The following DOCK2 variants were observed in gnomAD, a reference collection of about 807,000 sequenced individuals.
DOCK2 encodes the protein dedicator of cytokinesis protein 2.
A neutral mutation model predicts 248.9 loss-of-function variants in DOCK2; 87 were observed. That is an observed-to-expected ratio of 0.35 (90% CI 0.29 to 0.42). The LOEUF is 0.42. Among genes scored for constraint, DOCK2 ranks in the 10% least tolerant of loss-of-function variants. The pLI, the probability that DOCK2 is intolerant of heterozygous loss-of-function variation, is 1.00. For missense variants in DOCK2, 1,747 were observed against 2,300.2 expected (o/e 0.76, Z 4.92); for synonymous variants, 805 against 821.6 (o/e 0.98, Z 0.35).
intron 27 of DOCK2, among the ~76,000 whole-genome samples, chr5:169,844,778 G>A (rs937880294): frequency 6.7e-6 from 1 of 149,348 alleles, no homozygotes. Flanking sequence ...ACTTGTCACA[G>A]CTCCTCTCTT....
At chr5:169,681,996 C>T in intron 7 of DOCK2, 117 bp downstream of exon 7, 3 of 1,392,992 alleles carry the variant, frequency 2.2e-6, no homozygotes, top group South Asian at 1.6e-5. Context: ...CTGTCTATGA[C>T]CTGAGATGAT....
At chr5:170,048,908 AC>A (rs1756812469) in intron 40 of DOCK2, among the ~76,000 whole-genome samples, 1 of 152,166 alleles carries the variant, frequency 6.6e-6, no homozygotes, top group South Asian at 2.1e-4. Flanking sequence ...CTCCAACCTC[AC>A]TTGATTTAGT....
rs61670398 is a variant in DOCK2, at chr5:169,807,833, C to CAAAAAAAAAAAAAAAAAAAAAAAAAA, written c.2703+4628_2703+4653dup. 7.0e-4 allele frequency among the ~76,000 whole-genome samples: 17 copies of CAAAAAAAAAAAAAAAAAAAAAAAAAA among 24,228 alleles called. 1 individual carries two copies. Among genetic ancestry groups the CAAAAAAAAAAAAAAAAAAAAAAAAAA allele is most frequent in the Non-Finnish European group, 1.4e-3 (12 of 8,604 alleles). 15.9% of individuals were successfully genotyped at this position (24,228 alleles called of 152,430 possible). ...TGGGAGACAGAGCAAGACTCTGTCTCAAAAAAAAAAAAAAAAAAAAAAAAA... is the reference window on the plus strand; with the variant it reads ...TGGGAGACAGAGCAAGACTCTGTCTCAAAAAAAAAAAAAAAAAAAAAAAAAAAAAAAAAAAAAAAAAAAAAAAAAAA... On this transcript the variant is annotated intron_variant, in intron 26 of 51. Transcript: ENST00000520908.
chr5:170,052,589 G>T, intron 41 of DOCK2, among the ~76,000 whole-genome samples: 1 of 152,160 alleles, frequency 6.6e-6, no homozygotes, highest in East Asian at 1.9e-4. Context: ...AATATGTGGG[G>T]CAGAGATGTA....
intron 27 of DOCK2, among the ~76,000 whole-genome samples, chr5:169,902,176 G>A (rs145344040): frequency 6.6e-6 from 1 of 152,288 alleles, no homozygotes; most frequent in Non-Finnish European, 1.5e-5. Context: ...AGTCCAGGAG[G>A]GGAATAACCA....
intron 27 of DOCK2, among the ~76,000 whole-genome samples, chr5:169,966,374 A>G (rs1347385405): frequency 1.3e-5 from 2 of 152,156 alleles, no homozygotes; most frequent in East Asian, 3.9e-4. Flanking sequence ...TTACCACATA[A>G]CCCATTGATA....
intron 27 of DOCK2, among the ~76,000 whole-genome samples, chr5:169,892,014 AAAAAGAAAAAAG>A (rs1463473674): frequency 6.6e-6 from 1 of 150,860 alleles, no homozygotes; most frequent in East Asian, 1.9e-4. Context: ...AAAAAAAAAG[AAAAAGAAAAAAG>A]AAAAGAAAAA....
chr5:169,666,396 T>A (rs1202499584), intron 2 of DOCK2, among the ~76,000 whole-genome samples: 1 of 152,172 alleles, frequency 6.6e-6, no homozygotes, highest in African/African-American at 2.4e-5. Context: ...AAGAAAGTGG[T>A]TATCTCATGA....
At chr5:169,663,216 A>G (rs1459467541) in intron 2 of DOCK2, among the ~76,000 whole-genome samples, 1 of 152,248 alleles carries the variant, frequency 6.6e-6, no homozygotes, top group Non-Finnish European at 1.5e-5. Flanking sequence ...ATGCAAGGCC[A>G]CATTGATGCA....
intron 32 of DOCK2, among the ~76,000 whole-genome samples, chr5:170,011,823 C>A (rs1244442454): frequency 6.6e-6 from 1 of 152,218 alleles, no homozygotes; most frequent in Non-Finnish European, 1.5e-5. Flanking sequence ...CCCTCTCTTT[C>A]TTTCTGGAAA....
chr5:169,959,026 G>A (rs2113740674), intron 27 of DOCK2, among the ~76,000 whole-genome samples: 1 of 152,260 alleles, frequency 6.6e-6, no homozygotes, highest in South Asian at 2.1e-4. Context: ...TTAAGCCTAG[G>A]ACTGGGCAGA....
At chr5:169,910,442 TA>T (rs1470378836) in intron 27 of DOCK2, among the ~76,000 whole-genome samples, 1 of 152,164 alleles carries the variant, frequency 6.6e-6, no homozygotes, top group African/African-American at 2.4e-5. Context: ...CTTAACTTTT[TA>T]AAAAAAGATC....
chr5:169,887,779 T>C (rs1283867198), intron 27 of DOCK2, among the ~76,000 whole-genome samples: 1 of 152,214 alleles, frequency 6.6e-6, no homozygotes, highest in Non-Finnish European at 1.5e-5. Context: ...CTGTGCATTT[T>C]AGATTTCGTT....
chr5:169,875,112 T>G, intron 27 of DOCK2: 1 of 430,404 alleles, frequency 2.3e-6, no homozygotes, highest in South Asian at 1.7e-5. Context: ...CAAGTATTTT[T>G]TATTCATGGG....
chr5:169,922,166 G>A (rs1209312908), intron 27 of DOCK2, among the ~76,000 whole-genome samples: 1 of 152,164 alleles, frequency 6.6e-6, no homozygotes, highest in African/African-American at 2.4e-5. Context: ...GCATAGCTAG[G>A]GTGCAGCTTT....
chr5:169,881,354 T>C (rs1415788485), intron 27 of DOCK2: 3 of 1,550,226 alleles, frequency 1.9e-6, no homozygotes, highest in Admixed American at 2.0e-5. Context: ...CAGGCCTCGC[T>C]TGTGGCCAGG....
intron 27 of DOCK2, among the ~76,000 whole-genome samples, chr5:169,908,320 C>T (rs1042486724): frequency 3.3e-5 from 5 of 152,058 alleles, no homozygotes; most frequent in African/African-American, 1.2e-4. Flanking sequence ...TAAGCACATG[C>T]GATTCTTGTG....
At chr5:169,705,375 T>G (rs1761207841) in intron 14 of DOCK2, among the ~76,000 whole-genome samples, 1 of 152,108 alleles carries the variant, frequency 6.6e-6, no homozygotes, top group Non-Finnish European at 1.5e-5. Context: ...TCTGTTTTTC[T>G]GAGACCACCC....
chr5:169,802,130 A>G (rs1329773013), intron 25 of DOCK2, among the ~76,000 whole-genome samples: 2 of 152,164 alleles, frequency 1.3e-5, no homozygotes, highest in Non-Finnish European at 2.9e-5. Flanking sequence ...AGCAATGTCA[A>G]GAGACATACC....
Sources: allele counts gnomAD v4.1 joint callset (sites outside exome capture counted in the v4.1 genomes callset), GRCh38; gene constraint gnomAD v4.1.1; transcripts MANE v1.5; gene names NCBI Gene and HGNC (gene_info 2026-07-23, HGNC 2026-07-21).